AKAP8L: variants seen among roughly 807,000 people sequenced by gnomAD.
The protein encoded by AKAP8L is A-kinase anchor protein 8-like.
Under a neutral mutation model 77.5 loss-of-function variants are expected in AKAP8L, and 34 were observed. That is an observed-to-expected ratio of 0.44 (90% confidence interval 0.33 to 0.58). AKAP8L has a LOEUF of 0.58. Among genes scored for constraint, AKAP8L ranks in the 20% least tolerant of loss-of-function variants. AKAP8L has a pLI of 0.02. For missense variants in AKAP8L, 806 were observed against 887.6 expected (o/e 0.91, Z 1.17); for synonymous variants, 342 against 340.7 (o/e 1.00, Z -0.04).
chr19:15,405,508 C>T (rs907237650), intron 2 of AKAP8L, among the ~76,000 whole-genome samples: 5 of 151,152 alleles, frequency 3.3e-5, no homozygotes, highest in South Asian at 2.1e-4. Flanking sequence ...CCAGCCTGGG[C>T]GACACGGTGA....
At chr19:15,417,448 G>A (rs533129623) in intron 1 of AKAP8L, among the ~76,000 whole-genome samples, 86 of 152,204 alleles carry the variant, frequency 5.7e-4, no homozygotes, top group Admixed American at 1.6e-3. Context: ...TGTGTATACC[G>A]TAGCAGGGCA....
Position 15,401,676 on chromosome 19 carries a change from T to C in AKAP8L, c.363-73A>G, listed in dbSNP as rs1343915048. On this transcript the variant is annotated intron_variant, in intron 4 of 13. Transcript: ENST00000397410. The surrounding 1 kb of genome is among the most constrained non-coding windows in gnomAD (Gnocchi z 6.2). ...CACCTCCAGGCAACTGCTCCTGCCCTCCCCAATCTCCCAGTCCAGCACCCA... is the reference window on the plus strand; with the variant it reads ...CACCTCCAGGCAACTGCTCCTGCCCCCCCCAATCTCCCAGTCCAGCACCCA... 2.5e-6 allele frequency: 3 copies of C among 1,211,222 alleles called. No homozygotes were observed. In the East Asian group the frequency reaches 7.7e-5, roughly 31 times the overall value. 75.0% of individuals were successfully genotyped at this position (1,211,222 alleles called of 1,614,324 possible). A position where few individuals can be genotyped will look rare whatever the true frequency, so the allele number is the denominator to read the frequency against.
rs1360693435 is a variant in AKAP8L at position 15,397,892 on chromosome 19, G to A, written c.1158-37C>T. The A allele has an allele frequency of 4.4e-6, 7 of 1,605,192 alleles. No individual in the cohort carries two copies. The highest frequency in any genetic ancestry group is 5.1e-6 in the Non-Finnish European group (6 of 1,176,130). On this transcript the variant is annotated intron_variant, in intron 9 of 13. Transcript: ENST00000397410. This position sits in a 1 kb window ranked among gnomAD's most constrained non-coding sequence, Gnocchi z 4.7. Reference sequence around the variant, plus strand: ...AGGAAACGAGGGGCTGAGGCTGCAAGTGTCCCAGGGGATAGTGCTGCCGCC... The same window carrying A: ...AGGAAACGAGGGGCTGAGGCTGCAAATGTCCCAGGGGATAGTGCTGCCGCC...
chr19:15,404,215 C>T (rs1159402834), intron 2 of AKAP8L, 173 bp from the exon 3 acceptor site: 2 of 615,802 alleles, frequency 3.2e-6, no homozygotes, highest in East Asian at 5.7e-5. Context: ...ACTTGCTGCC[C>T]TGGTGCCTGG....
chr19:15,393,503 T>C (rs767416786), intron 12 of AKAP8L, among the ~76,000 whole-genome samples: 4 of 152,028 alleles, frequency 2.6e-5, no homozygotes, highest in Non-Finnish European at 5.9e-5. Context: ...GAATAGACAT[T>C]TCTCCAAAGA....
At chr19:15,409,028 C>T (rs1349679224) in intron 2 of AKAP8L, among the ~76,000 whole-genome samples, 1 of 152,056 alleles carries the variant, frequency 6.6e-6, no homozygotes, top group Non-Finnish European at 1.5e-5. Flanking sequence ...ATATGGATCA[C>T]AGACTAAATG....
chr19:15,382,108 C>T (rs1967430049), intron 12 of AKAP8L: 1 of 152,232 alleles, frequency 6.6e-6, no homozygotes, highest in African/African-American at 2.4e-5. Flanking sequence ...TCCCTGCCCA[C>T]CGGCGAGTGA....
Position 15,405,485 on chromosome 19 carries a change from G to A in AKAP8L, c.89-1443C>T, listed in dbSNP as rs1381287159. 2.0e-5 allele frequency among the ~76,000 whole-genome samples: 3 copies of A among 151,598 alleles called. No homozygotes were observed. In the East Asian group the frequency reaches 5.8e-4, roughly 29 times the overall value. The stretch of plus-strand genomic sequence containing the variant: ...GCAGAGTTTGCAGTGAGGTGAGATC[G>A]CGCCACTGCACTCCAGCCTGGGCGA... On this transcript the variant is annotated intron_variant, in intron 2 of 13. Coordinates refer to ENST00000397410, the MANE Select transcript of AKAP8L (RefSeq NM_014371.4).
At chr19:15,395,184 C>T (rs550734894) in intron 12 of AKAP8L, among the ~76,000 whole-genome samples, 1 of 152,090 alleles carries the variant, frequency 6.6e-6, no homozygotes, top group East Asian at 1.9e-4. Context: ...CACCTGCCAC[C>T]ACGCCTGGCT....
At position 15,409,393 on chromosome 19, in the gene AKAP8L, A is replaced by G. The variant is rs76812308; in HGVS notation, c.88+1127T>C. ...AAGCAAACCAAGTTTCTCCTCATTT[A>G]TGAGACACCTGATACCTTCTCACTC... On this transcript the variant is annotated intron_variant, in intron 2 of 13. Coordinates refer to ENST00000397410, the MANE Select transcript of AKAP8L (RefSeq NM_014371.4). Among the ~76,000 whole-genome samples the G allele has an allele frequency of 4.1e-3, 619 of 152,352 alleles. 5 individuals carry two copies. Among genetic ancestry groups the G allele is most frequent in the Non-Finnish European group, 6.9e-3 (468 of 68,032 alleles).
rs775565960 is a variant in AKAP8L at position 15,400,983 on chromosome 19, G to A, written c.877C>T (p.Arg293Cys). 1.9e-6 allele frequency: 3 copies of A among 1,613,962 alleles called. No homozygotes were observed. The highest frequency in any genetic ancestry group is 4.5e-5 in the East Asian group (2 of 44,870). Residue 293 changes from arginine to cysteine, a missense_variant, in exon 6 of 14, where the codon CGC becomes TGC. Coordinates refer to ENST00000397410, the MANE Select transcript of AKAP8L (RefSeq NM_014371.4). ...SPDEPDSKATRTDCSDNSDSD... is the reference protein window; with the variant it reads ...SPDEPDSKATCTDCSDNSDSD... Reference sequence around the variant, plus strand: ...TCGCTGTTGTCCGAGCAGTCCGTGCGGGTGGCTTTGCTATCTGGCTCATCA... The same window carrying A: ...TCGCTGTTGTCCGAGCAGTCCGTGCAGGTGGCTTTGCTATCTGGCTCATCA...
intron 1 of AKAP8L, among the ~76,000 whole-genome samples, chr19:15,413,806 G>A (rs1968150930): frequency 6.6e-6 from 1 of 152,150 alleles, no homozygotes; most frequent in African/African-American, 2.4e-5. Context: ...AACTGCAAAT[G>A]ACAGCCTACC....
chr19:15,403,046 G>A lies in AKAP8L; in HGVS notation c.362+429C>T, dbSNP rs559387075. 1.3e-5 allele frequency among the ~76,000 whole-genome samples: 2 copies of A among 152,140 alleles called. No individual in the cohort carries two copies. Among genetic ancestry groups the A allele is most frequent in the African/African-American group, 4.8e-5 (2 of 41,422 alleles). ...CACACCTGCCCCGACCCTTACGTGG[G>A]GGTGGCCCAGCTCGCAGTGATCAGC... On this transcript the variant is annotated intron_variant, in intron 4 of 13. Coordinates refer to ENST00000397410, the MANE Select transcript of AKAP8L (RefSeq NM_014371.4). This position sits in a 1 kb window ranked among gnomAD's most constrained non-coding sequence, Gnocchi z 4.3.
rs1241338668 is a variant in AKAP8L at position 15,398,641 on chromosome 19, G to A, written c.1157+661C>T. The A allele has an allele frequency of 1.7e-5, 17 of 986,568 alleles. No individual in the cohort carries two copies. The highest frequency in any genetic ancestry group is 5.2e-5 in the African/African-American group (3 of 57,244). 61.1% of individuals were successfully genotyped at this position (986,568 alleles called of 1,614,324 possible). A position where few individuals can be genotyped will look rare whatever the true frequency, so the allele number is the denominator to read the frequency against. The stretch of plus-strand genomic sequence containing the variant: ...GGGCGGGTCCCTACCTCTGCCGGAC[G>A]TCCTTATCTGGGCCACGGGGTCAGC... On this transcript the variant is annotated intron_variant, in intron 9 of 13. Transcript: ENST00000397410. This position sits in a 1 kb window ranked among gnomAD's most constrained non-coding sequence, Gnocchi z 9.2.
At chr19:15,380,482 G>A (rs1197713903) in intron 13 of AKAP8L, 35 bp downstream of exon 13, 2 of 1,613,216 alleles carry the variant, frequency 1.2e-6, no homozygotes, top group African/African-American at 2.7e-5. Flanking sequence ...CGGGGACTAA[G>A]CTGGGGACAG....
intron 12 of AKAP8L, among the ~76,000 whole-genome samples, chr19:15,387,382 T>A (rs998466836): frequency 1.3e-5 from 2 of 152,062 alleles, no homozygotes; most frequent in African/African-American, 4.8e-5. Flanking sequence ...AGTGCAAGAC[T>A]AGGGCCTCTC....
chr19:15,387,217 C>T (rs1967557597), intron 12 of AKAP8L, among the ~76,000 whole-genome samples: 1 of 152,224 alleles, frequency 6.6e-6, no homozygotes, highest in South Asian at 2.1e-4. Flanking sequence ...CATGTCTCTC[C>T]TAAAGTGGCA....
intron 12 of AKAP8L, among the ~76,000 whole-genome samples, chr19:15,387,339 AACTG>A (rs1429623937): frequency 6.6e-6 from 1 of 152,198 alleles, no homozygotes; most frequent in Admixed American, 6.5e-5. Flanking sequence ...ATCTCAAAGG[AACTG>A]ACTGACTTCA....
At chr19:15,402,022 C>T (rs927146340) in intron 4 of AKAP8L, among the ~76,000 whole-genome samples, 21 of 152,226 alleles carry the variant, frequency 1.4e-4, no homozygotes, top group African/African-American at 5.1e-4. Flanking sequence ...ACAATGAATG[C>T]GCAGCCAGTG....
Sources: allele counts gnomAD v4.1 joint callset (sites outside exome capture counted in the v4.1 genomes callset), GRCh38; gene constraint gnomAD v4.1.1; non-coding constraint Gnocchi (gnomAD v3.1); transcripts MANE v1.5; gene names NCBI Gene and HGNC (gene_info 2026-07-23, HGNC 2026-07-21).